FILIP1L: variants seen among roughly 807,000 people sequenced by gnomAD.
FILIP1L encodes the protein filamin A interacting protein 1 like.
In FILIP1L, 55 loss-of-function variants were observed where a neutral mutation model predicts 96.6. That is an observed-to-expected ratio of 0.57 (90% CI 0.46 to 0.71). The LOEUF (loss-of-function observed/expected upper bound fraction) is 0.71. Ranked by LOEUF, FILIP1L falls within the 30% of genes least tolerant of loss-of-function variation. The probability of loss-of-function intolerance (pLI) is 0.00; values close to 1 mark genes in which losing one functional copy is unlikely to be tolerated. For missense variants in FILIP1L, 1,304 were observed against 1,321.2 expected, an observed-to-expected ratio of 0.99 and a Z score of 0.20; for synonymous variants, 467 against 473.9, an observed-to-expected ratio of 0.99 and a Z score of 0.19.
chr3:99,855,137 T>C (rs1343851675), intron 4 of FILIP1L, among the ~76,000 whole-genome samples: 1 of 152,208 alleles, frequency 6.6e-6, no homozygotes, highest in Non-Finnish European at 1.5e-5. Context: ...ATTATTGATT[T>C]ATACCCAGTC....
chr3:99,925,340 G>A (rs940200525), intron 3 of FILIP1L, among the ~76,000 whole-genome samples: 1 of 152,158 alleles, frequency 6.6e-6, no homozygotes, highest in African/African-American at 2.4e-5. Flanking sequence ...GCTGATACAT[G>A]TGTTTGTCTC....
At chr3:99,905,919 G>A (rs766027677) in intron 4 of FILIP1L, among the ~76,000 whole-genome samples, 1 of 152,148 alleles carries the variant, frequency 6.6e-6, no homozygotes, top group Non-Finnish European at 1.5e-5. Flanking sequence ...CTGGCCAGGC[G>A]CAGTGGCTCA....
chr3:99,839,122 C>T (rs949203676), intron 5 of FILIP1L, among the ~76,000 whole-genome samples: 6 of 152,116 alleles, frequency 3.9e-5, no homozygotes, highest in African/African-American at 1.4e-4. Context: ...CATCCTGTAT[C>T]CCCTGCTCAA....
At chr3:99,929,059 T>C (rs553504622) in intron 3 of FILIP1L, among the ~76,000 whole-genome samples, 10 of 152,362 alleles carry the variant, frequency 6.6e-5, no homozygotes, top group African/African-American at 1.9e-4. Context: ...TGAAACTTGC[T>C]TTCACTCTCC....
At chr3:99,894,127 TCTC>T (rs1706174338) in intron 4 of FILIP1L, among the ~76,000 whole-genome samples, 1 of 152,194 alleles carries the variant, frequency 6.6e-6, no homozygotes, top group Non-Finnish European at 1.5e-5. Context: ...GTAAGACAAA[TCTC>T]CTGCTTTAAG....
intron 1 of FILIP1L, among the ~76,000 whole-genome samples, chr3:100,030,027 G>A (rs1576654765): frequency 6.6e-6 from 1 of 152,108 alleles, no homozygotes; most frequent in Admixed American, 6.6e-5. Flanking sequence ...CTCTAGCATG[G>A]AATGGAAAGT....
intron 4 of FILIP1L, among the ~76,000 whole-genome samples, chr3:99,917,000 G>T (rs1170179559): frequency 6.6e-6 from 1 of 152,132 alleles, no homozygotes; most frequent in Non-Finnish European, 1.5e-5. Context: ...TTTCTATTTT[G>T]ATATGGTTTA....
Position 99,849,240 on chromosome 3 carries a change from G to A in FILIP1L, c.2436C>T (p.Tyr812=). The change falls in exon 5 of 6, where the codon TAC becomes TAT. Residue 812 remains tyrosine (Y), a synonymous_variant. Coordinates refer to ENST00000477258, the MANE Select transcript of FILIP1L (RefSeq NM_001387850.1). ...TEAVDNEPPD[Y]KSLIPLERAV... ...CACGTTCCAGAGGAATGAGGCTCTT[G>A]TAATCAGGTGGTTCATTGTCTACTG... 6.2e-7 allele frequency: 1 copy of A among 1,614,136 alleles called. No individual in the cohort carries two copies. Among genetic ancestry groups the A allele is most frequent in the East Asian group, 2.2e-5 (1 of 44,880 alleles).
At chr3:100,096,481 T>C (rs2107447194) in intron 1 of FILIP1L, among the ~76,000 whole-genome samples, 1 of 151,744 alleles carries the variant, frequency 6.6e-6, no homozygotes. Flanking sequence ...GAACTGGAGG[T>C]CATTATGTTA....
At chr3:100,018,876 A>C (rs1016453197) in intron 1 of FILIP1L, among the ~76,000 whole-genome samples, 1 of 152,188 alleles carries the variant, frequency 6.6e-6, no homozygotes, top group Admixed American at 6.5e-5. Context: ...AGCTCATTAA[A>C]AAATTGTCAA....
intron 1 of FILIP1L, among the ~76,000 whole-genome samples, chr3:100,049,240 C>T (rs2065329625): frequency 6.6e-6 from 1 of 152,152 alleles, no homozygotes; most frequent in African/African-American, 2.4e-5. Context: ...AACAAATAAA[C>T]TGTTCTCTTG....
chr3:99,952,278 A>G (rs1296550580), intron 1 of FILIP1L, among the ~76,000 whole-genome samples: 3 of 152,194 alleles, frequency 2.0e-5, no homozygotes, highest in African/African-American at 4.8e-5. Flanking sequence ...GGCAGTTTCA[A>G]TTGGATTATT....
chr3:99,976,032 G>T lies in FILIP1L; in HGVS notation c.-10-45002C>A, dbSNP rs1219762084. Reference sequence around the variant, plus strand: ...CCCAAGTAGCTGGGACTACAGGCATGTGCCACTATGCCCAGCTAATTTTTG... The same window carrying T: ...CCCAAGTAGCTGGGACTACAGGCATTTGCCACTATGCCCAGCTAATTTTTG... On this transcript the variant is annotated intron_variant, in intron 1 of 5. Coordinates refer to ENST00000477258, the MANE Select transcript of FILIP1L (RefSeq NM_001387850.1). Among the ~76,000 whole-genome samples, 3 of 152,178 alleles carry T rather than the reference G, an allele frequency of 2.0e-5. No homozygotes were observed. The East Asian group carries it at 5.8e-4, about 30-fold the overall frequency.
At chr3:99,989,379 C>G (rs1382117832) in intron 1 of FILIP1L, among the ~76,000 whole-genome samples, 1 of 152,128 alleles carries the variant, frequency 6.6e-6, no homozygotes, top group Non-Finnish European at 1.5e-5. Context: ...ATCCCCCAGA[C>G]AAGAAGACTA....
At chr3:99,878,872 C>T (rs1346593803) in intron 4 of FILIP1L, among the ~76,000 whole-genome samples, 1 of 152,192 alleles carries the variant, frequency 6.6e-6, no homozygotes, top group African/African-American at 2.4e-5. Context: ...TTATTTCCTT[C>T]CCTCTTTCAA....
In FILIP1L at chr3:99,850,554, C is replaced by CTCT. The variant is rs2107527750; in HGVS notation, c.1119_1121dup (p.Glu374dup). Reference sequence around the variant, plus strand: ...CCATATCTAGCACACGTTTCCTGAGCTCTTCCACTTCAGCCATGATACCAG... The same window carrying CTCT: ...CCATATCTAGCACACGTTTCCTGAGCTCTTCTTCCACTTCAGCCATGATACCAG... On this transcript the variant is annotated inframe_insertion, in exon 5 of 6. Transcript: ENST00000477258. The CTCT allele has an allele frequency of 6.2e-7, 1 of 1,613,792 alleles. No homozygotes were observed. Among genetic ancestry groups the CTCT allele is most frequent in the East Asian group, 2.2e-5 (1 of 44,884 alleles).
intron 1 of FILIP1L, among the ~76,000 whole-genome samples, chr3:99,996,818 C>T (rs993729732): frequency 2.6e-5 from 4 of 151,760 alleles, no homozygotes; most frequent in African/African-American, 4.8e-5. Flanking sequence ...TATCTCCCAC[C>T]GAGTCCCTCC....
intron 5 of FILIP1L, among the ~76,000 whole-genome samples, chr3:99,836,572 C>T (rs1210108512): frequency 6.6e-6 from 1 of 152,166 alleles, no homozygotes; most frequent in African/African-American, 2.4e-5. Context: ...TTTTCTTCTC[C>T]CACCATAGGT....
chr3:99,946,329 A>G (rs1392040649), intron 1 of FILIP1L, among the ~76,000 whole-genome samples: 1 of 152,246 alleles, frequency 6.6e-6, no homozygotes, highest in Non-Finnish European at 1.5e-5. Context: ...AGAAAAAGCT[A>G]CAACTATCAA....
Sources: allele counts gnomAD v4.1 joint callset (sites outside exome capture counted in the v4.1 genomes callset), GRCh38; gene constraint gnomAD v4.1.1; transcripts MANE v1.5; gene names NCBI Gene and HGNC (gene_info 2026-07-23, HGNC 2026-07-21).